The following DST variants were observed in gnomAD, a reference collection of about 807,000 sequenced individuals.
DST encodes the protein bullous pemphigoid antigen.
Under a neutral mutation model 875.2 loss-of-function variants are expected in DST, and 253 were observed. The observed-to-expected ratio is 0.29, with a 90% CI of 0.26 to 0.32. The LOEUF (loss-of-function observed/expected upper bound fraction) is 0.32. Among genes scored for constraint, DST ranks in the 10% least tolerant of loss-of-function variants. The pLI is 1.00. For missense variants in DST, 8,287 were observed against 9,111.6 expected (o/e 0.91, Z 3.68); for synonymous variants, 3,124 against 3,197.1 (o/e 0.98, Z 0.77).
At chr6:56,612,963 C>T (rs542800776) in intron 37 of DST, among the ~76,000 whole-genome samples, 6 of 151,924 alleles carry the variant, frequency 3.9e-5, no homozygotes, top group South Asian at 2.1e-4. Context: ...TGGGAGGTTG[C>T]GGCTCCAGTG....
At chr6:56,541,748 T>A (rs889371917) in intron 61 of DST, among the ~76,000 whole-genome samples, 3 of 152,194 alleles carry the variant, frequency 2.0e-5, no homozygotes, top group Admixed American at 1.3e-4. Context: ...CAGCAGTGCA[T>A]CAGTATAAAT....
At chr6:56,549,551 A>T (rs985579578) in intron 61 of DST, among the ~76,000 whole-genome samples, 6 of 152,218 alleles carry the variant, frequency 3.9e-5, no homozygotes, top group Non-Finnish European at 8.8e-5. Flanking sequence ...TAAAACAATG[A>T]AATGTTTGGC....
chr6:56,522,286 C>T (rs74581928), intron 69 of DST, among the ~76,000 whole-genome samples: 3,843 of 152,180 alleles, frequency 0.025, 73 homozygotes, highest in Non-Finnish European at 0.043. Context: ...AACTAACTTA[C>T]CAAAGACTAC....
At position 56,633,008 on chromosome 6, in the gene DST, C is replaced by T; in HGVS notation, c.3651G>A (p.Gln1217=). 1 of 1,613,930 alleles carries T rather than the reference C, an allele frequency of 6.2e-7. No individual in the cohort carries two copies. The highest frequency in any genetic ancestry group is 8.5e-7 in the Non-Finnish European group (1 of 1,179,978). ...SIKTMLPGEH[Q]QVLSNLQSRF... ...GAGATTGTAGATTACTTAGAACTTG[C>T]TGATGTTCACCAGGTAGCATTGTCT... Residue 1217 remains glutamine, a synonymous_variant, in exon 28 of 104, where the codon CAG becomes CAA. Transcript: ENST00000680361.
chr6:56,687,798 A>T (rs2099198259), intron 9 of DST, among the ~76,000 whole-genome samples: 1 of 151,194 alleles, frequency 6.6e-6, no homozygotes, highest in Non-Finnish European at 1.5e-5. Context: ...AAAAAAAAAA[A>T]GTGTGAAAAT....
chr6:56,787,011 C>T (rs931313071), intron 4 of DST, among the ~76,000 whole-genome samples: 2 of 152,204 alleles, frequency 1.3e-5, no homozygotes, highest in Non-Finnish European at 2.9e-5. Flanking sequence ...TTATTAGTCA[C>T]CATGTGCCAG....
At chr6:56,675,070 C>G (rs2152834222) in intron 9 of DST, among the ~76,000 whole-genome samples, 1 of 152,236 alleles carries the variant, frequency 6.6e-6, no homozygotes, top group African/African-American at 2.4e-5. Flanking sequence ...ACAGACAGAC[C>G]AGTGGAACAA....
chr6:56,710,866 A>G (rs1428832218), intron 5 of DST, among the ~76,000 whole-genome samples: 1 of 152,214 alleles, frequency 6.6e-6, no homozygotes, highest in African/African-American at 2.4e-5. Context: ...TTGGCATGAT[A>G]AAAAGGCGGT....
intron 38 of DST, 57 bp downstream of exon 38, chr6:56,611,451 A>C (rs959020338): frequency 4.7e-5 from 59 of 1,256,230 alleles, no homozygotes; most frequent in Non-Finnish European, 4.9e-5. Flanking sequence ...GTTTTGCTGA[A>C]AGCTTTTAAG....
chr6:56,849,048 AAATT>A (rs1320192772), intron 4 of DST, among the ~76,000 whole-genome samples: 2 of 152,000 alleles, frequency 1.3e-5, no homozygotes, highest in Non-Finnish European at 2.9e-5. Flanking sequence ...CAAAATAAAT[AAATT>A]AATTAAATTA....
chr6:56,720,971 C>G (rs2099412831), intron 5 of DST, among the ~76,000 whole-genome samples: 1 of 151,794 alleles, frequency 6.6e-6, no homozygotes, highest in South Asian at 2.1e-4. Context: ...GGCAGCCGGG[C>G]AGAGGCGCCC....
At chr6:56,493,189 C>T in intron 83 of DST, 100 bp from the exon 84 acceptor site, 2 of 1,005,544 alleles carry the variant, frequency 2.0e-6, no homozygotes, top group Middle Eastern at 2.2e-4. Context: ...CCTATCCCCA[C>T]TTTATTTATG....
chr6:56,728,974 AC>A (rs2099484695), intron 5 of DST, among the ~76,000 whole-genome samples: 2 of 46,768 alleles, frequency 4.3e-5, no homozygotes, highest in African/African-American at 3.0e-4. Flanking sequence ...TAAAAAAAGT[AC>A]ACACACACAC....
Position 56,489,869 on chromosome 6 carries a change from A to C in DST, c.20758-260T>G, listed in dbSNP as rs1359068. ...ATATCAGCTCTAAAAGAGCCTAGAA[A>C]AAAGTTAGGAAGCTACAGAAAGAAC... On this transcript the variant is annotated intron_variant, in intron 85 of 103. Transcript: ENST00000680361. Among the ~76,000 whole-genome samples the C allele has an allele frequency of 0.22, 34,206 of 152,070 alleles. 4,505 individuals carry two copies. The highest frequency in any genetic ancestry group is 0.41 in the Middle Eastern group (121 of 294).
intron 2 of DST, among the ~76,000 whole-genome samples, chr6:56,914,254 C>T (rs1438398105): frequency 1.3e-5 from 2 of 152,284 alleles, no homozygotes; most frequent in South Asian, 2.1e-4. Context: ...ACCAACATTG[C>T]ATCCATATTA....
intron 2 of DST, among the ~76,000 whole-genome samples, chr6:56,936,906 T>A (rs1813294260): frequency 6.7e-6 from 1 of 150,288 alleles, no homozygotes; most frequent in Non-Finnish European, 1.5e-5. Context: ...AGTAAAGAAG[T>A]GGAATTAACA....
At chr6:56,932,646 C>T (rs1207355806) in intron 2 of DST, among the ~76,000 whole-genome samples, 1 of 152,024 alleles carries the variant, frequency 6.6e-6, no homozygotes, top group Non-Finnish European at 1.5e-5. Flanking sequence ...ATTTAGCCAA[C>T]ATCAAATATT....
Position 56,609,348 on chromosome 6 carries a change from A to G in DST, c.5284-4T>C. 6.3e-7 allele frequency: 1 copy of G among 1,582,790 alleles called. No individual in the cohort carries two copies. The highest frequency in any genetic ancestry group is 8.6e-7 in the Non-Finnish European group (1 of 1,164,802). On this transcript the variant is annotated splice_polypyrimidine_tract_variant and splice_region_variant and intron_variant, in intron 39 of 103. Transcript: ENST00000680361. ...TGCCTGCAATCACTTTATCCAGCTG[A>G]AAGGAAAATGCAAAAATCTCAGGTC...
intron 2 of DST, among the ~76,000 whole-genome samples, chr6:56,938,069 CCTCT>C (rs1813955950): frequency 3.8e-5 from 5 of 131,268 alleles, no homozygotes; most frequent in Non-Finnish European, 6.2e-5. Flanking sequence ...AGAAATTACA[CCTCT>C]CTCTCTCTTT....
Sources: gnomAD v4.1 joint callset for allele counts (sites outside exome capture counted in the v4.1 genomes callset) on GRCh38, gnomAD v4.1.1 for gene constraint, MANE v1.5 for transcripts, NCBI Gene and HGNC (gene_info 2026-07-23, HGNC 2026-07-21) for gene names.